Variants in CEP112 observed in about 807,000 individuals in gnomAD.
The protein encoded by CEP112 is centrosomal protein of 112 kDa.
Under a neutral mutation model 153.0 loss-of-function variants are expected in CEP112, and 127 were observed. That is an observed-to-expected ratio of 0.83 (90% confidence interval 0.72 to 0.96). CEP112 has a LOEUF of 0.96. CEP112 is among the 40% of genes least tolerant of loss of function. The pLI, the probability that CEP112 is intolerant of heterozygous loss-of-function variation, is 0.00. For synonymous variants in CEP112, 358 were observed against 374.4 expected, an observed-to-expected ratio of 0.96 and a Z score of 0.51; for missense variants, 1,089 against 1,101.2, an observed-to-expected ratio of 0.99 and a Z score of 0.16.
At chr17:66,009,258 A>G (rs10775401) in intron 16 of CEP112, among the ~76,000 whole-genome samples, 140,595 of 151,612 alleles carry the variant, frequency 0.93, 65,377 homozygotes, top group East Asian at 0.97. Context: ...TAACAAGTGT[A>G]AGGTGATATT....
At chr17:66,155,331 T>C (rs2071390643) in intron 4 of CEP112, among the ~76,000 whole-genome samples, 1 of 152,112 alleles carries the variant, frequency 6.6e-6, no homozygotes, top group Non-Finnish European at 1.5e-5. Flanking sequence ...CATGAGGGAC[T>C]GTGCCGTGAG....
rs554530510 is a variant in CEP112 at position 66,044,454 on chromosome 17, G to T, written c.1218+9282C>A. Among the ~76,000 whole-genome samples, 346 of 152,238 alleles carry T rather than the reference G, an allele frequency of 2.3e-3. 2 individuals carry two copies. Among genetic ancestry groups the T allele is most frequent in the African/African-American group, 7.1e-3 (297 of 41,552 alleles). On this transcript the variant is annotated intron_variant, in intron 12 of 26. Coordinates refer to ENST00000535342, the MANE Select transcript of CEP112 (RefSeq NM_001199165.4). ...GCAGCATTATTCACAACAGCCAAAAGGCAGAAGCAACTCAACTGTCCATCT... is the reference window on the plus strand; with the variant it reads ...GCAGCATTATTCACAACAGCCAAAATGCAGAAGCAACTCAACTGTCCATCT...
rs1411265607 is a variant in CEP112, at chr17:65,810,461, T to C, written c.2394+41343A>G. ...TCCTCTAGCCATCGGTGACCAGTAG[T>C]GTTCAAGATAATGGAATCTTTCTAT... On this transcript the variant is annotated intron_variant, in intron 21 of 26. Coordinates refer to ENST00000535342, the MANE Select transcript of CEP112 (RefSeq NM_001199165.4). 2.0e-5 allele frequency among the ~76,000 whole-genome samples: 3 copies of C among 152,162 alleles called. No individual in the cohort carries two copies. The East Asian group carries it at 5.8e-4, about 29-fold the overall frequency.
intron 18 of CEP112, among the ~76,000 whole-genome samples, chr17:65,948,842 T>A (rs1303642818): frequency 1.3e-5 from 2 of 152,188 alleles, no homozygotes; most frequent in Non-Finnish European, 2.9e-5. Flanking sequence ...CAATTCTCTT[T>A]CTAAAACAAA....
intron 20 of CEP112, among the ~76,000 whole-genome samples, chr17:65,860,161 GT>G (rs2058267316): frequency 6.6e-6 from 1 of 152,036 alleles, no homozygotes; most frequent in African/African-American, 2.4e-5. Context: ...AGCAACTGCA[GT>G]TTTTATACAT....
intron 6 of CEP112, among the ~76,000 whole-genome samples, chr17:66,125,995 T>C (rs150888844): frequency 4.2e-4 from 64 of 152,330 alleles, no homozygotes; most frequent in African/African-American, 1.5e-3. Context: ...CAATGGAAGA[T>C]TTCAATTGTG....
intron 18 of CEP112, among the ~76,000 whole-genome samples, chr17:65,955,402 C>G (rs749201752): frequency 3.3e-5 from 5 of 152,092 alleles, no homozygotes; most frequent in Non-Finnish European, 5.9e-5. Flanking sequence ...TACACCAAAG[C>G]ATAAATCTCA....
At chr17:65,863,332 G>A (rs1335288963) in intron 20 of CEP112, among the ~76,000 whole-genome samples, 1 of 152,038 alleles carries the variant, frequency 6.6e-6, no homozygotes, top group South Asian at 2.1e-4. Context: ...AAAGATAAAA[G>A]TTACTACTAG....
intron 19 of CEP112, chr17:65,913,488 T>C: frequency 1.0e-6 from 1 of 985,200 alleles, no homozygotes; most frequent in Non-Finnish European, 1.2e-6. Flanking sequence ...ACAAAAAAAT[T>C]GTAAAAAGCA....
At chr17:65,744,683 C>T (rs913242517) in intron 22 of CEP112, among the ~76,000 whole-genome samples, 1 of 152,182 alleles carries the variant, frequency 6.6e-6, no homozygotes, top group South Asian at 2.1e-4. Context: ...GTAGTATTCC[C>T]TGCATTTAAG....
chr17:65,808,675 A>G (rs576546089), intron 21 of CEP112, among the ~76,000 whole-genome samples: 2 of 152,146 alleles, frequency 1.3e-5, no homozygotes, highest in South Asian at 4.2e-4. Flanking sequence ...ATGTTCCATC[A>G]TGGGAAGATG....
chr17:65,732,847 T>C (rs187908367), intron 23 of CEP112, among the ~76,000 whole-genome samples: 15 of 152,304 alleles, frequency 9.8e-5, no homozygotes, highest in African/African-American at 3.6e-4. Flanking sequence ...TAAGGAAAGG[T>C]TGTGGTTAGT....
chr17:65,673,283 G>A (rs1192825814), intron 24 of CEP112, among the ~76,000 whole-genome samples: 1 of 152,074 alleles, frequency 6.6e-6, no homozygotes, highest in Non-Finnish European at 1.5e-5. Context: ...CCTCTTTAAA[G>A]TGGCAATGGC....
chr17:66,107,642 A>G (rs1260702580), intron 6 of CEP112, among the ~76,000 whole-genome samples: 2 of 152,288 alleles, frequency 1.3e-5, no homozygotes, highest in East Asian at 3.9e-4. Flanking sequence ...AAGAATTTGA[A>G]GAAGACACAA....
At chr17:65,737,392 A>G (rs2050865275) in intron 23 of CEP112, among the ~76,000 whole-genome samples, 2 of 152,170 alleles carry the variant, frequency 1.3e-5, no homozygotes, top group Non-Finnish European at 2.9e-5. Flanking sequence ...TACTATCACC[A>G]AATCTGGAGA....
rs150844008 is a variant in CEP112 at position 65,730,293 on chromosome 17, G to A, written c.2607+12775C>T. ...AGAGAGAACTGTTCCTTTCTTCTCC[G>A]CTCATTTATTGCTATTGCTTCTCCT... On this transcript the variant is annotated intron_variant, in intron 23 of 26. Transcript: ENST00000535342. Among the ~76,000 whole-genome samples, 101 of 152,228 alleles carry A rather than the reference G, an allele frequency of 6.6e-4. 1 individual carries two copies. In the East Asian group the frequency reaches 0.018, roughly 27 times the overall value.
chr17:65,809,444 G>A (rs1349728010), intron 21 of CEP112, among the ~76,000 whole-genome samples: 1 of 152,186 alleles, frequency 6.6e-6, no homozygotes, highest in Non-Finnish European at 1.5e-5. Flanking sequence ...GGAAGACCAG[G>A]TGGGAGTTAC....
At chr17:65,732,631 T>C (rs2050578320) in intron 23 of CEP112, among the ~76,000 whole-genome samples, 1 of 152,232 alleles carries the variant, frequency 6.6e-6, no homozygotes, top group Non-Finnish European at 1.5e-5. Context: ...TCAATGACCT[T>C]AGCTAGATCT....
intron 4 of CEP112, among the ~76,000 whole-genome samples, chr17:66,156,092 A>G (rs2071426722): frequency 6.6e-6 from 1 of 152,146 alleles, no homozygotes; most frequent in Admixed American, 6.5e-5. Context: ...TGACTGGGAG[A>G]TAACTCCCAG....
Sources: gnomAD v4.1 joint callset for allele counts (sites outside exome capture counted in the v4.1 genomes callset) on GRCh38, gnomAD v4.1.1 for gene constraint, MANE v1.5 for transcripts, NCBI Gene and HGNC (gene_info 2026-07-23, HGNC 2026-07-21) for gene names.